IRAK1BP1: variants seen among roughly 807,000 people sequenced by gnomAD.
IRAK1BP1 encodes interleukin 1 receptor associated kinase 1 binding protein 1.
In IRAK1BP1, 24 loss-of-function variants were observed where a neutral mutation model predicts 28.0. The observed-to-expected ratio is 0.86, with a 90% confidence interval of 0.62 to 1.20. The LOEUF is 1.20. IRAK1BP1 is among the 50% of genes most tolerant of loss of function. The pLI is 0.00. For synonymous variants in IRAK1BP1, 131 were observed against 116.3 expected (o/e 1.13, Z -0.81); for missense variants, 336 against 316.7 (o/e 1.06, Z -0.46).
downstream of IRAK1BP1, chr6:78,903,132 G>A: frequency 8.1e-7 from 1 of 1,234,816 alleles, no homozygotes; most frequent in Non-Finnish European, 1.1e-6. Flanking sequence ...CATTATAAGA[G>A]TGAGAAAAAG....
chr6:78,936,354 T>C (rs1279853707), intron 4 of IRAK1BP1: 2 of 151,918 alleles, frequency 1.3e-5, no homozygotes, highest in Non-Finnish European at 1.5e-5. Flanking sequence ...TTCTAAAAGA[T>C]CTTCAGTAAG....
the IRAK1BP1 span, chr6:78,969,881 G>C: frequency 2.5e-6 from 4 of 1,600,152 alleles, no homozygotes; most frequent in South Asian, 4.5e-5. Context: ...GTTGTCTCAA[G>C]ACTAGGAAAT....
At chr6:78,942,945 T>A (rs915312039) in intron 4 of IRAK1BP1, among the ~76,000 whole-genome samples, 3 of 152,172 alleles carry the variant, frequency 2.0e-5, no homozygotes, top group African/African-American at 4.8e-5. Flanking sequence ...AGAAGTTTTT[T>A]AAAAAAGTTT....
chr6:78,889,688 A>T (rs1771565426), intron 2 of IRAK1BP1, among the ~76,000 whole-genome samples: 1 of 152,206 alleles, frequency 6.6e-6, no homozygotes, highest in Admixed American at 6.5e-5. Context: ...ATCACCGGTC[A>T]TTAGAGAAAT....
At chr6:78,963,679 A>G in the IRAK1BP1 span, among the ~76,000 whole-genome samples, 1 of 152,230 alleles carries the variant, frequency 6.6e-6, no homozygotes, top group Non-Finnish European at 1.5e-5. Context: ...AGGAACAGAG[A>G]GAATTATGAA....
chr6:78,930,825 G>A (rs1410134788), intron 4 of IRAK1BP1, among the ~76,000 whole-genome samples: 1 of 151,042 alleles, frequency 6.6e-6, no homozygotes, highest in Admixed American at 6.6e-5. Flanking sequence ...CCAGTTCTTG[G>A]GAGGCTGAGG....
intron 1 of IRAK1BP1, among the ~76,000 whole-genome samples, chr6:78,876,744 G>A (rs905921931): frequency 6.6e-6 from 1 of 152,126 alleles, no homozygotes; most frequent in African/African-American, 2.4e-5. Context: ...CTCAGTTTGA[G>A]GTTCACAGGG....
chr6:78,963,206 A>G, the IRAK1BP1 span: 197 of 1,609,400 alleles, frequency 1.2e-4, 3 homozygotes, highest in South Asian at 2.1e-3. Flanking sequence ...ATCTGCACTC[A>G]CCATCAGTTA....
chr6:78,927,895 G>A (rs1772935160), intron 4 of IRAK1BP1, among the ~76,000 whole-genome samples: 2 of 152,000 alleles, frequency 1.3e-5, no homozygotes, highest in African/African-American at 4.8e-5. Flanking sequence ...TGGTCTATGT[G>A]TGTCTGTTTT....
intron 4 of IRAK1BP1, among the ~76,000 whole-genome samples, chr6:78,934,880 C>T (rs1313880090): frequency 6.6e-6 from 1 of 152,158 alleles, no homozygotes; most frequent in Non-Finnish European, 1.5e-5. Flanking sequence ...GTATGTCTAA[C>T]CAATTAGGTA....
At chr6:78,961,686 T>C in the IRAK1BP1 span, 1 of 1,611,522 alleles carries the variant, frequency 6.2e-7, no homozygotes, top group Non-Finnish European at 8.5e-7. Flanking sequence ...CAAATGGTTC[T>C]AACCTGTAAA....
At chr6:78,887,047 A>G (rs755599753) in intron 2 of IRAK1BP1, among the ~76,000 whole-genome samples, 9 of 152,224 alleles carry the variant, frequency 5.9e-5, no homozygotes, top group Admixed American at 1.3e-4. Context: ...CAACCTAAGC[A>G]TTAATAACAA....
At chr6:78,945,340 C>T (rs1276884602) in intron 4 of IRAK1BP1, 3 of 1,613,620 alleles carry the variant, frequency 1.9e-6, no homozygotes, top group South Asian at 1.1e-5. Flanking sequence ...GAGTGGACGC[C>T]TTTGGGAGTA....
At chr6:78,889,677 C>A (rs781314864) in intron 2 of IRAK1BP1, among the ~76,000 whole-genome samples, 13 of 151,926 alleles carry the variant, frequency 8.6e-5, no homozygotes, top group Non-Finnish European at 1.8e-4. Context: ...AAAAGCTCAT[C>A]ATCACCGGTC....
the IRAK1BP1 span, among the ~76,000 whole-genome samples, chr6:78,973,073 T>A: frequency 7.2e-5 from 11 of 151,964 alleles, no homozygotes; most frequent in African/African-American, 2.2e-4. Context: ...GACACATAAT[T>A]GTCAGATTCA....
the IRAK1BP1 span, among the ~76,000 whole-genome samples, chr6:78,964,808 T>A: frequency 6.6e-6 from 1 of 152,206 alleles, no homozygotes; most frequent in Admixed American, 6.5e-5. Context: ...TATTATTTTT[T>A]AAAAATCAAA....
At chr6:78,954,929 G>A in the IRAK1BP1 span, 2 of 1,575,826 alleles carry the variant, frequency 1.3e-6, no homozygotes, top group South Asian at 2.4e-5. Flanking sequence ...GTAAGACTGG[G>A]CTCTATTACG....
chr6:78,950,569 T>C (rs1277063594), downstream of IRAK1BP1, among the ~76,000 whole-genome samples: 1 of 152,210 alleles, frequency 6.6e-6, no homozygotes, highest in East Asian at 1.9e-4. Context: ...TGTGGTAGTT[T>C]ATACTTTGAA....
At chr6:78,965,747 G>GT in the IRAK1BP1 span, 1 of 1,560,134 alleles carries the variant, frequency 6.4e-7, no homozygotes, top group Non-Finnish European at 8.8e-7. Flanking sequence ...CATCTTTTCT[G>GT]TATCTCCATT....
Sources: allele counts gnomAD v4.1 joint callset (sites outside exome capture counted in the v4.1 genomes callset), GRCh38; gene constraint gnomAD v4.1.1; transcripts MANE v1.5; gene names NCBI Gene and HGNC (gene_info 2026-07-23, HGNC 2026-07-21).